The following PTBP3 variants were observed in gnomAD, a reference collection of about 807,000 sequenced individuals.
PTBP3 encodes polypyrimidine tract binding protein 3.
PTBP3 carries 20 observed loss-of-function variants against 58.7 expected under a neutral mutation model. The ratio of observed to expected loss-of-function variants is 0.34; its 90% confidence interval spans 0.24 to 0.50. The LOEUF is 0.50. Ranked by LOEUF, PTBP3 falls within the 20% of genes least tolerant of loss-of-function variation. The pLI, the probability that PTBP3 is intolerant of heterozygous loss-of-function variation, is 0.98. For synonymous variants in PTBP3, 185 were observed against 219.8 expected (o/e 0.84, Z 1.40); for missense variants, 509 against 637.2 (o/e 0.80, Z 2.17).
At chr9:112,321,147 T>C (rs1829931155) in intron 1 of PTBP3, among the ~76,000 whole-genome samples, 1 of 152,100 alleles carries the variant, frequency 6.6e-6, no homozygotes. Context: ...ATATAAAGAA[T>C]TCTTACACTC....
intron 7 of PTBP3, among the ~76,000 whole-genome samples, chr9:112,249,090 T>TA (rs200422388): frequency 2.0e-5 from 3 of 152,218 alleles, no homozygotes; most frequent in South Asian, 4.1e-4. Flanking sequence ...TTGAATGCTT[T>TA]AAAAAATTTT....
At chr9:112,224,247 G>A (rs368978125) in intron 12 of PTBP3, 37 bp from the exon 13 acceptor site, 15 of 1,274,128 alleles carry the variant, frequency 1.2e-5, no homozygotes, top group East Asian at 4.9e-5. Context: ...TACCTGGGCC[G>A]CATTCTCAAG....
chr9:112,305,500 T>A (rs570304890), intron 1 of PTBP3, among the ~76,000 whole-genome samples: 3 of 152,258 alleles, frequency 2.0e-5, no homozygotes, highest in African/African-American at 7.2e-5. Context: ...TGGTTGATAA[T>A]ACTCCTTGCC....
At position 112,283,912 on chromosome 9, in the gene PTBP3, T is replaced by C. The variant is rs140675771; in HGVS notation, c.35-7899A>G. ...ACAGCTCACTGGTTGCTTCAGAGGGTGCAAGCCCTAAGCCTTGATAGCTTC... is the reference window on the plus strand; with the variant it reads ...ACAGCTCACTGGTTGCTTCAGAGGGCGCAAGCCCTAAGCCTTGATAGCTTC... On this transcript the variant is annotated intron_variant, in intron 2 of 13. Transcript: ENST00000374257. Among the ~76,000 whole-genome samples, 651 of 152,266 alleles carry C rather than the reference T, an allele frequency of 4.3e-3. 4 individuals carry two copies. The highest frequency in any genetic ancestry group is 0.02 in the Middle Eastern group (6 of 294).
intron 2 of PTBP3, among the ~76,000 whole-genome samples, chr9:112,286,493 C>A (rs570704254): frequency 6.6e-6 from 1 of 152,174 alleles, no homozygotes; most frequent in South Asian, 2.1e-4. Flanking sequence ...AGACAATATA[C>A]ATCTTTAATT....
chr9:112,351,402 C>A, the PTBP3 span, among the ~76,000 whole-genome samples: 2 of 152,156 alleles, frequency 1.3e-5, no homozygotes, highest in African/African-American at 4.8e-5. Flanking sequence ...ATCAAGGGTC[C>A]TATTGTTAAC....
intron 1 of PTBP3, among the ~76,000 whole-genome samples, chr9:112,314,388 A>G (rs1405327502): frequency 6.6e-6 from 1 of 152,236 alleles, no homozygotes; most frequent in Non-Finnish European, 1.5e-5. Flanking sequence ...GAGCTTCAAA[A>G]CACGTAAAGC....
chr9:112,313,825 T>C (rs899984731), intron 1 of PTBP3, among the ~76,000 whole-genome samples: 9 of 151,970 alleles, frequency 5.9e-5, no homozygotes, highest in South Asian at 2.1e-4. Context: ...ATCTTAAACA[T>C]AGATAGATTA....
the PTBP3 span, among the ~76,000 whole-genome samples, chr9:112,360,976 AGTT>A: frequency 5.3e-5 from 8 of 152,160 alleles, no homozygotes; most frequent in Non-Finnish European, 8.8e-5. Context: ...TTAAGCTTAA[AGTT>A]GTTGTCAGTG....
the PTBP3 span, among the ~76,000 whole-genome samples, chr9:112,360,137 C>T: frequency 6.6e-6 from 1 of 152,272 alleles, no homozygotes; most frequent in East Asian, 1.9e-4. Flanking sequence ...GAGTTCTACG[C>T]AGAAGGCTTG....
At chr9:112,233,829 G>C (rs1027605278) in intron 8 of PTBP3, among the ~76,000 whole-genome samples, 1 of 152,090 alleles carries the variant, frequency 6.6e-6, no homozygotes, top group African/African-American at 2.4e-5. Context: ...TACTCAGAAG[G>C]CTGAGGCATG....
At chr9:112,355,531 T>A in the PTBP3 span, among the ~76,000 whole-genome samples, 1 of 152,200 alleles carries the variant, frequency 6.6e-6, no homozygotes, top group Non-Finnish European at 1.5e-5. Flanking sequence ...CATTTCATGT[T>A]CATCAAAGAC....
chr9:112,291,153 C>T (rs180734740), intron 2 of PTBP3, among the ~76,000 whole-genome samples: 14 of 151,868 alleles, frequency 9.2e-5, no homozygotes, highest in African/African-American at 3.4e-4. Context: ...ACCTGGGAGG[C>T]GGAGGTTGCA....
At chr9:112,229,320 T>G (rs897952317) in intron 10 of PTBP3, among the ~76,000 whole-genome samples, 1 of 152,124 alleles carries the variant, frequency 6.6e-6, no homozygotes, top group Non-Finnish European at 1.5e-5. Context: ...TCCCAGCACT[T>G]TGGGAGGCCG....
In PTBP3 at chr9:112,219,978, T is replaced by C; in HGVS notation, c.*3873A>G. ...TTATATTTTCAAATTTTGTGCAATC[T>C]AAATTGTATTTCTTTCAGCACAATA... is the stretch of plus-strand genomic sequence containing the variant. On this transcript the variant is annotated 3_prime_UTR_variant, in exon 14 of 14. Transcript: ENST00000374257. The C allele has an allele frequency of 2.8e-6, 2 of 718,096 alleles. No individual in the cohort carries two copies. Among genetic ancestry groups the C allele is most frequent in the Non-Finnish European group, 3.5e-6 (2 of 564,148 alleles). The allele number at this position is 718,096 out of a possible 1,614,324, so 44.5% of individuals were successfully genotyped here.
the PTBP3 span, among the ~76,000 whole-genome samples, chr9:112,349,960 A>T: frequency 6.7e-6 from 1 of 148,240 alleles, no homozygotes; most frequent in African/African-American, 2.5e-5. Flanking sequence ...GTGGGGAAAA[A>T]CCCCCACACA....
intron 1 of PTBP3, among the ~76,000 whole-genome samples, chr9:112,318,061 A>G (rs1829779546): frequency 6.6e-6 from 1 of 152,224 alleles, no homozygotes; most frequent in Non-Finnish European, 1.5e-5. Context: ...TAATGTTACC[A>G]AAGAACAACA....
At position 112,221,114 on chromosome 9, in the gene PTBP3, A is replaced by T. The variant is rs1445110279; in HGVS notation, c.*2737T>A. ...ATGTGCTACAGCTAATTTTAGACACAAACTGATGGTTTCAAACATGCTATT... is the reference window on the plus strand; with the variant it reads ...ATGTGCTACAGCTAATTTTAGACACTAACTGATGGTTTCAAACATGCTATT... On this transcript the variant is annotated 3_prime_UTR_variant, in exon 14 of 14. Coordinates refer to ENST00000374257, the MANE Select transcript of PTBP3 (RefSeq NM_001163788.4). 1.0e-6 allele frequency: 1 copy of T among 985,564 alleles called. No individual in the cohort carries two copies. The highest frequency in any genetic ancestry group is 1.7e-5 in the African/African-American group (1 of 57,246). 61.1% of individuals were successfully genotyped at this position (985,564 alleles called of 1,614,324 possible). A position where few individuals can be genotyped will look rare whatever the true frequency, so the allele number is the denominator to read the frequency against.
the PTBP3 span, among the ~76,000 whole-genome samples, chr9:112,353,115 G>C: frequency 6.6e-6 from 1 of 151,264 alleles, no homozygotes; most frequent in Non-Finnish European, 1.5e-5. Context: ...TGGCCAGGCT[G>C]GTCTCAAACT....
Sources: gnomAD v4.1 joint callset for allele counts (sites outside exome capture counted in the v4.1 genomes callset) on GRCh38, gnomAD v4.1.1 for gene constraint, MANE v1.5 for transcripts, NCBI Gene and HGNC (gene_info 2026-07-23, HGNC 2026-07-21) for gene names.